The following WNT3 variants were observed in gnomAD, a reference collection of about 807,000 sequenced individuals.
WNT3 encodes the protein proto-oncogene Wnt-3.
A neutral mutation model predicts 34.2 loss-of-function variants in WNT3; 7 were observed. The ratio of observed to expected loss-of-function variants is 0.20; its 90% CI spans 0.12 to 0.38. The LOEUF (loss-of-function observed/expected upper bound fraction) is 0.38, where lower values mean the gene tolerates loss of function less well. WNT3 is among the 10% of genes least tolerant of loss of function. The pLI is 1.00. For synonymous variants in WNT3, 212 were observed against 211.5 expected (o/e 1.00, Z -0.02); for missense variants, 267 against 499.8 (o/e 0.53, Z 4.44).
chr17:46,793,328 G>T (rs1187793471), intron 1 of WNT3, among the ~76,000 whole-genome samples: 1 of 149,164 alleles, frequency 6.7e-6, no homozygotes, highest in Non-Finnish European at 1.5e-5. Flanking sequence ...CCAGGACAGG[G>T]TTTATAGAGA....
rs796082366 is a variant in WNT3 at position 46,763,843 on chromosome 17, A to ACAAAC, written c.*786_*787insGTTTG. On this transcript the variant is annotated 3_prime_UTR_variant, in exon 5 of 5. Coordinates refer to ENST00000225512, the MANE Select transcript of WNT3 (RefSeq NM_030753.5). ...GGTCCACTACCACCAAAAAAAAAAA[A>ACAAAC]AAACAAAAAAACAAAAAAAAAACTG... is the stretch of plus-strand genomic sequence containing the variant. 6.7e-6 allele frequency: 1 copy of ACAAAC among 149,322 alleles called. No homozygotes were observed. 9.2% of individuals were successfully genotyped at this position (149,322 alleles called of 1,614,324 possible). A position where few individuals can be genotyped will look rare whatever the true frequency, so the allele number is the denominator to read the frequency against.
At chr17:46,792,950 T>C (rs1330698884) in intron 1 of WNT3, among the ~76,000 whole-genome samples, 1 of 151,278 alleles carries the variant, frequency 6.6e-6, no homozygotes, top group Non-Finnish European at 1.5e-5. Flanking sequence ...AGCTAGGAAA[T>C]GGTGGCACTG....
chr17:46,781,084 C>T (rs1333677627), intron 1 of WNT3, among the ~76,000 whole-genome samples: 2 of 151,906 alleles, frequency 1.3e-5, no homozygotes, highest in African/African-American at 2.4e-5. Flanking sequence ...AAAAATTAGC[C>T]GGGCCTGGTG....
chr17:46,780,922 A>G (rs1376299701), intron 1 of WNT3, among the ~76,000 whole-genome samples: 1 of 152,132 alleles, frequency 6.6e-6, no homozygotes, highest in Non-Finnish European at 1.5e-5. Flanking sequence ...CCATACATAC[A>G]GTGGGACCCT....
At chr17:46,770,948 G>T (rs3809857) in intron 2 of WNT3, among the ~76,000 whole-genome samples, 37,736 of 152,258 alleles carry the variant, frequency 0.25, 5,872 homozygotes, top group Non-Finnish European at 0.33. Flanking sequence ...GGACCCGGGA[G>T]CCGGAGGTGA....
intron 2 of WNT3, among the ~76,000 whole-genome samples, chr17:46,770,977 C>G (rs1042824031): frequency 2.0e-5 from 3 of 152,256 alleles, no homozygotes; most frequent in African/African-American, 7.2e-5. Context: ...CTGACACAGG[C>G]TGTGAAACGC....
At chr17:46,780,833 G>A (rs1264243875) in intron 1 of WNT3, among the ~76,000 whole-genome samples, 2 of 152,066 alleles carry the variant, frequency 1.3e-5, no homozygotes, top group African/African-American at 4.8e-5. Flanking sequence ...CAGTGTTCAC[G>A]GCAGTGCTAC....
chr17:46,799,458 T>C lies in WNT3; in HGVS notation c.80+19060A>G, dbSNP rs866688408. ...TCTATTATTTCTACTTTTTTTTTTT[T>C]TTTTTTCGAGATGGAGTCTCACTCT... is the stretch of plus-strand genomic sequence containing the variant. On this transcript the variant is annotated intron_variant, in intron 1 of 4. Transcript: ENST00000225512. 6.6e-3 allele frequency among the ~76,000 whole-genome samples: 1,004 copies of C among 151,410 alleles called. 10 individuals carry two copies. Among genetic ancestry groups the C allele is most frequent in the African/African-American group, 0.023 (950 of 41,230 alleles).
At chr17:46,765,874 G>A (rs2059308124) in intron 4 of WNT3, among the ~76,000 whole-genome samples, 1 of 152,258 alleles carries the variant, frequency 6.6e-6, no homozygotes, top group African/African-American at 2.4e-5. Context: ...GAAGAAGCCA[G>A]GGCTCAGCGA....
chr17:46,815,792 G>T (rs1447089292), intron 1 of WNT3, among the ~76,000 whole-genome samples: 1 of 152,184 alleles, frequency 6.6e-6, no homozygotes, highest in South Asian at 2.1e-4. Context: ...TGTGCCCCCT[G>T]CAGCCACCTT....
chr17:46,809,862 G>GCA (rs1397974949), intron 1 of WNT3, among the ~76,000 whole-genome samples: 3 of 152,088 alleles, frequency 2.0e-5, no homozygotes, highest in Non-Finnish European at 4.4e-5. Context: ...AAGGAGCTGA[G>GCA]GACTCCCCTG....
intron 1 of WNT3, among the ~76,000 whole-genome samples, chr17:46,775,930 C>G (rs1427786023): frequency 6.6e-6 from 1 of 152,182 alleles, no homozygotes; most frequent in Non-Finnish European, 1.5e-5. Context: ...TCTGATTTAT[C>G]GGTGGTAATG....
At chr17:46,780,130 C>G (rs189447901) in intron 1 of WNT3, among the ~76,000 whole-genome samples, 1 of 152,222 alleles carries the variant, frequency 6.6e-6, no homozygotes, top group Non-Finnish European at 1.5e-5. Flanking sequence ...GACTTACGCA[C>G]CTAACATATG....
intron 4 of WNT3, among the ~76,000 whole-genome samples, chr17:46,767,437 C>T (rs2059323319): frequency 6.6e-6 from 1 of 152,210 alleles, no homozygotes; most frequent in African/African-American, 2.4e-5. Context: ...TGTGCAGGAA[C>T]TTGCCCTCTA....
intron 1 of WNT3, among the ~76,000 whole-genome samples, chr17:46,802,003 T>C (rs2084131782): frequency 6.6e-6 from 1 of 152,134 alleles, no homozygotes. Flanking sequence ...CTGTTAAACA[T>C]AAGATATTCT....
chr17:46,768,196 T>C lies in WNT3; in HGVS notation c.*8+116A>G. The stretch of plus-strand genomic sequence containing the variant: ...GCTTCCTATTTTGGCTGTGGGAACT[T>C]GTGTGTCTTGGATAGCTTAGAAACA... On this transcript the variant is annotated intron_variant, in intron 4 of 4. Transcript: ENST00000225512. The surrounding 1 kb of genome is among the most constrained non-coding windows in gnomAD (Gnocchi z 5.0). 1 of 1,467,824 alleles carries C rather than the reference T, an allele frequency of 6.8e-7. No individual in the cohort carries two copies. Among genetic ancestry groups the C allele is most frequent in the Non-Finnish European group, 9.2e-7 (1 of 1,082,080 alleles). 90.9% of individuals were successfully genotyped at this position (1,467,824 alleles called of 1,614,324 possible). A position where few individuals can be genotyped will look rare whatever the true frequency, so the allele number is the denominator to read the frequency against.
chr17:46,784,354 G>A (rs909498334), intron 1 of WNT3, among the ~76,000 whole-genome samples: 2 of 152,228 alleles, frequency 1.3e-5, no homozygotes, highest in Admixed American at 1.3e-4. Context: ...ACCACGTAGA[G>A]ACAGAGCTGG....
At chr17:46,797,815 A>G (rs1172674731) in intron 1 of WNT3, among the ~76,000 whole-genome samples, 3 of 152,244 alleles carry the variant, frequency 2.0e-5, no homozygotes, top group Non-Finnish European at 4.4e-5. Flanking sequence ...AACACAATGC[A>G]GAGAGAGAAT....
chr17:46,784,352 G>C (rs1464781043), intron 1 of WNT3, among the ~76,000 whole-genome samples: 2 of 152,206 alleles, frequency 1.3e-5, no homozygotes, highest in Non-Finnish European at 2.9e-5. Context: ...GCACCACGTA[G>C]AGACAGAGCT....
Sources: allele counts gnomAD v4.1 joint callset (sites outside exome capture counted in the v4.1 genomes callset), GRCh38; gene constraint gnomAD v4.1.1; non-coding constraint Gnocchi (gnomAD v3.1); transcripts MANE v1.5; gene names NCBI Gene and HGNC (gene_info 2026-07-23, HGNC 2026-07-21).